The following ATL1 variants were observed in gnomAD, a reference collection of about 807,000 sequenced individuals.
ATL1 encodes the protein atlastin GTPase 1.
In ATL1, 31 loss-of-function variants were observed where a neutral mutation model predicts 75.5. That is an observed-to-expected ratio of 0.41 (90% CI 0.31 to 0.55). The LOEUF is 0.55. Among genes scored for constraint, ATL1 ranks in the 20% least tolerant of loss-of-function variants. The probability of loss-of-function intolerance (pLI) is 0.27; values close to 1 mark genes in which losing one functional copy is unlikely to be tolerated. For missense variants in ATL1, 405 were observed against 662.6 expected (o/e 0.61, Z 4.27); for synonymous variants, 226 against 233.3 (o/e 0.97, Z 0.28).
At chr14:50,602,502 T>C (rs2140216601) in intron 6 of ATL1, among the ~76,000 whole-genome samples, 1 of 152,252 alleles carries the variant, frequency 6.6e-6, no homozygotes, top group East Asian at 1.9e-4. Context: ...ATAGAAACAT[T>C]CCCCATTTAC....
intron 1 of ATL1, among the ~76,000 whole-genome samples, chr14:50,574,929 GTGTGTGTGTATATATATATA>G (rs1241520985): frequency 1.1e-5 from 1 of 93,470 alleles, no homozygotes; most frequent in Non-Finnish European, 2.0e-5. Context: ...GTGTGTGTGT[GTGTGTGTGTATATATATATA>G]TATATATATA....
Position 50,560,299 on chromosome 14 carries a change from G to C in ATL1, c.34G>C (p.Gly12Arg), listed in dbSNP as rs750638321. ...AKNRRDRNSW[G>R]GFSEKTYEWS... ...GAACCGCAGGGACAGAAACAGTTGGGGTGAGTAGCAAATGAGAACTTCTGC... is the reference window on the plus strand; with the variant it reads ...GAACCGCAGGGACAGAAACAGTTGGCGTGAGTAGCAAATGAGAACTTCTGC... Residue 12 changes from glycine (G) to arginine (R), a missense_variant and splice_region_variant, in exon 1 of 14, where the codon GGT becomes CGT. By Grantham distance (125) the Gly-to-Arg change is moderately radical. Around this residue, in one of 5 missense-constraint regions of ATL1, gnomAD observed 126 missense variants for 172.0 expected, o/e 0.73. Coordinates refer to ENST00000358385, the MANE Select transcript of ATL1 (RefSeq NM_015915.5). 1.9e-6 allele frequency: 3 copies of C among 1,613,922 alleles called. No homozygotes were observed. The highest frequency in any genetic ancestry group is 2.5e-6 in the Non-Finnish European group (3 of 1,179,890).
chr14:50,591,795 G>C (rs537044741), intron 4 of ATL1, 156 bp downstream of exon 4: 2 of 593,808 alleles, frequency 3.4e-6, no homozygotes, highest in South Asian at 4.5e-5. Flanking sequence ...ATTTCTGTGA[G>C]AGTGGAATTG....
chr14:50,574,937 G>GTGTATA (rs1475087119), intron 1 of ATL1, among the ~76,000 whole-genome samples: 10 of 23,160 alleles, frequency 4.3e-4, no homozygotes, highest in Non-Finnish European at 7.0e-4. Flanking sequence ...GTGTGTGTGT[G>GTGTATA]TATATATATA....
intron 5 of ATL1, among the ~76,000 whole-genome samples, chr14:50,594,920 GC>G (rs2039198431): frequency 6.6e-6 from 1 of 150,764 alleles, no homozygotes. Context: ...GATCACTTGA[GC>G]CAGGGAGGTC....
At chr14:50,593,156 T>G (rs1474852293) in intron 4 of ATL1, among the ~76,000 whole-genome samples, 3 of 151,942 alleles carry the variant, frequency 2.0e-5, no homozygotes, top group Non-Finnish European at 2.9e-5. Flanking sequence ...TACTCATTAT[T>G]TATATTTGAC....
chr14:50,581,735 G>A (rs933112587), intron 1 of ATL1, among the ~76,000 whole-genome samples: 1 of 152,044 alleles, frequency 6.6e-6, no homozygotes, highest in Non-Finnish European at 1.5e-5. Context: ...TTATAAGCCA[G>A]TACCTAGGCT....
Position 50,632,275 on chromosome 14 carries a change from A to T in ATL1, c.1613A>T (p.Tyr538Phe), listed in dbSNP as rs2039589933. 1.2e-6 allele frequency: 2 copies of T among 1,613,292 alleles called. No individual in the cohort carries two copies. Among genetic ancestry groups the T allele is most frequent in the Non-Finnish European group, 1.7e-6 (2 of 1,179,622 alleles). Reference protein sequence around the residue: ...YSAAATHRHLYHQAFPTPKSE... With the variant: ...YSAAATHRHLFHQAFPTPKSE... ...GCAGCAGCAACCCACAGACATCTGT[A>T]TCATCAAGCTTTCCCTACACCAAAG... The change falls in exon 14 of 14, where the codon TAT (tyrosine) becomes TTT (phenylalanine). Residue 538 changes from tyrosine (Y) to phenylalanine (F), a missense_variant. Tyr to Phe is a conservative substitution (Grantham distance 22). This residue lies in a region of ATL1 where 163 missense variants were observed against 244.1 expected (regional missense o/e 0.67). Coordinates refer to ENST00000358385, the MANE Select transcript of ATL1 (RefSeq NM_015915.5).
chr14:50,533,188 G>A (rs1251957162), exon 1 of ATL1: 1 of 152,270 alleles, frequency 6.6e-6, no homozygotes, highest in Non-Finnish European at 1.5e-5. Context: ...CTTTGTCCCT[G>A]TTGGGCACAC....
chr14:50,567,475 T>C (rs978699414), intron 1 of ATL1, among the ~76,000 whole-genome samples: 1 of 152,206 alleles, frequency 6.6e-6, no homozygotes, highest in African/African-American at 2.4e-5. Flanking sequence ...TTTGGGTATA[T>C]ACCCAGAAGT....
chr14:50,597,985 G>A (rs1165195788), intron 6 of ATL1, among the ~76,000 whole-genome samples: 2 of 152,108 alleles, frequency 1.3e-5, no homozygotes, highest in Admixed American at 6.5e-5. Context: ...GTGAGCCACC[G>A]CACCCGGCCA....
intron 1 of ATL1, among the ~76,000 whole-genome samples, chr14:50,575,612 A>G (rs2038998578): frequency 1.3e-5 from 2 of 152,188 alleles, no homozygotes; most frequent in Non-Finnish European, 1.5e-5. Flanking sequence ...AGGAAGGGAC[A>G]TAAATAGTTT....
chr14:50,555,664 T>G (rs951307892), upstream of ATL1, among the ~76,000 whole-genome samples: 1 of 152,196 alleles, frequency 6.6e-6, no homozygotes, highest in African/African-American at 2.4e-5. Context: ...AAATAAATAT[T>G]TGTCTTATTT....
intron 9 of ATL1, among the ~76,000 whole-genome samples, chr14:50,621,302 G>A (rs1286015364): frequency 1.3e-5 from 2 of 152,162 alleles, no homozygotes; most frequent in African/African-American, 4.8e-5. Context: ...GATGCTCCAA[G>A]GACTAAAATA....
chr14:50,607,826 C>T (rs2039329247), intron 6 of ATL1, among the ~76,000 whole-genome samples: 1 of 151,996 alleles, frequency 6.6e-6, no homozygotes, highest in Non-Finnish European at 1.5e-5. Flanking sequence ...ATAGTCAACT[C>T]ATGTGTTGAT....
chr14:50,596,976 A>C (rs952800219), intron 6 of ATL1, among the ~76,000 whole-genome samples: 1 of 152,014 alleles, frequency 6.6e-6, no homozygotes, highest in African/African-American at 2.4e-5. Flanking sequence ...TTGGGAGGCT[A>C]AGGTGGGTGG....
At chr14:50,534,265 G>A (rs372713014) in intron 1 of ATL1, among the ~76,000 whole-genome samples, 36 of 152,256 alleles carry the variant, frequency 2.4e-4, no homozygotes, top group African/African-American at 8.4e-4. Context: ...ATAAAAATAA[G>A]TGGGCAAACT....
At position 50,620,648 on chromosome 14, in the gene ATL1, A is replaced by G; in HGVS notation, c.912A>G (p.Leu304=). ...IKNLKILIPW[L]LSPESLDIKE... ...ACTTGAAAATACTGATTCCTTGGCT[A>G]CTTAGTCCCGAGAGCCTAGATATTA... The change falls in exon 9 of 14, where the codon CTA becomes CTG. Residue 304 remains leucine, a synonymous_variant. Coordinates refer to ENST00000358385, the MANE Select transcript of ATL1 (RefSeq NM_015915.5). The G allele has an allele frequency of 6.2e-7, 1 of 1,613,534 alleles. No homozygotes were observed. Among genetic ancestry groups the G allele is most frequent in the Non-Finnish European group, 8.5e-7 (1 of 1,179,510 alleles).
intron 6 of ATL1, among the ~76,000 whole-genome samples, chr14:50,606,563 G>C (rs935494007): frequency 7.9e-5 from 12 of 152,140 alleles, no homozygotes; most frequent in African/African-American, 2.6e-4. Context: ...TGAAAAGACA[G>C]AGAGTGTCCT....
Sources: gnomAD v4.1 joint callset for allele counts (sites outside exome capture counted in the v4.1 genomes callset) on GRCh38, gnomAD v4.1.1 for gene constraint, gnomAD v4.1.1 regional missense constraint, MANE v1.5 for transcripts, NCBI Gene and HGNC (gene_info 2026-07-23, HGNC 2026-07-21) for gene names.